AGBL4: variants seen among roughly 807,000 people sequenced by gnomAD.
The protein encoded by AGBL4 is AGBL carboxypeptidase 4, also known as cytosolic carboxypeptidase 6.
AGBL4 carries 58 observed loss-of-function variants against 66.4 expected under a neutral mutation model. That is an observed-to-expected ratio of 0.87 (90% confidence interval 0.71 to 1.09). The LOEUF (loss-of-function observed/expected upper bound fraction) is 1.09, where lower values mean the gene tolerates loss of function less well. Among genes scored for constraint, AGBL4 ranks in the 50% least tolerant of loss-of-function variants. The pLI is 0.00. For synonymous variants in AGBL4, 234 were observed against 222.9 expected (o/e 1.05, Z -0.44); for missense variants, 579 against 631.0 (o/e 0.92, Z 0.88).
intron 5 of AGBL4, among the ~76,000 whole-genome samples, chr1:48,957,151 C>T (rs1477398424): frequency 3.9e-5 from 6 of 152,098 alleles, no homozygotes; most frequent in Non-Finnish European, 2.9e-5. Context: ...CATTCCCATA[C>T]ATTTTTTGCT....
At position 48,761,203 on chromosome 1, in the gene AGBL4, T is replaced by C. The variant is rs1644239328; in HGVS notation, c.635-97962A>G. 6.9e-6 allele frequency: 7 copies of C among 1,013,334 alleles called. No homozygotes were observed. In the East Asian group the frequency reaches 1.6e-4, roughly 23 times the overall value. 62.8% of individuals were successfully genotyped at this position (1,013,334 alleles called of 1,614,324 possible). A position where few individuals can be genotyped will look rare whatever the true frequency, so the allele number is the denominator to read the frequency against. On this transcript the variant is annotated intron_variant, in intron 6 of 13. Coordinates refer to ENST00000371839, the MANE Select transcript of AGBL4 (RefSeq NM_032785.4). ...CACACGAGTTGTCCCACGCTTTCACTACCCTGAAAAAATCATAGCCTGTGA... is the reference window on the plus strand; with the variant it reads ...CACACGAGTTGTCCCACGCTTTCACCACCCTGAAAAAATCATAGCCTGTGA...
intron 2 of AGBL4, among the ~76,000 whole-genome samples, chr1:49,835,014 A>C (rs1213037491): frequency 6.6e-6 from 1 of 152,168 alleles, no homozygotes; most frequent in Non-Finnish European, 1.5e-5. Context: ...TTTTATAACA[A>C]GTGTGATATG....
intron 4 of AGBL4, among the ~76,000 whole-genome samples, chr1:49,224,844 G>C (rs935732257): frequency 1.3e-5 from 2 of 152,212 alleles, no homozygotes; most frequent in Admixed American, 1.3e-4. Flanking sequence ...AGAAAGTGGG[G>C]TTGGGATAAG....
chr1:49,528,569 A>G (rs1312132377), intron 3 of AGBL4, among the ~76,000 whole-genome samples: 1 of 152,054 alleles, frequency 6.6e-6, no homozygotes, highest in East Asian at 1.9e-4. Context: ...ATTAACCTAT[A>G]GGGGAGATAA....
At chr1:49,740,733 A>G (rs1257462054) in intron 2 of AGBL4, among the ~76,000 whole-genome samples, 1 of 152,236 alleles carries the variant, frequency 6.6e-6, no homozygotes, top group Non-Finnish European at 1.5e-5. Context: ...ACTAGAACTC[A>G]GGATTAAGAA....
intron 4 of AGBL4, among the ~76,000 whole-genome samples, chr1:49,134,475 G>C (rs1457842169): frequency 1.7e-4 from 19 of 112,800 alleles, no homozygotes; most frequent in African/African-American, 4.9e-4. Context: ...ATTTTGGAGG[G>C]CCCCCCCCCC....
intron 1 of AGBL4, among the ~76,000 whole-genome samples, chr1:49,965,153 A>T (rs984772468): frequency 9.9e-5 from 15 of 152,188 alleles, no homozygotes; most frequent in Admixed American, 6.6e-4. Flanking sequence ...AACTCCATGG[A>T]AATCAATGAT....
intron 5 of AGBL4, among the ~76,000 whole-genome samples, chr1:48,963,810 T>C (rs1024089541): frequency 6.6e-6 from 1 of 152,194 alleles, no homozygotes; most frequent in African/African-American, 2.4e-5. Context: ...GTAATGACTA[T>C]TGTTGATAGA....
intron 1 of AGBL4, among the ~76,000 whole-genome samples, chr1:49,991,135 C>T (rs1368067041): frequency 6.6e-6 from 1 of 152,100 alleles, no homozygotes; most frequent in Non-Finnish European, 1.5e-5. Flanking sequence ...AACTATGTAG[C>T]TCCAGACTAT....
At chr1:48,996,218 T>A (rs1227336904) in intron 5 of AGBL4, among the ~76,000 whole-genome samples, 1 of 152,218 alleles carries the variant, frequency 6.6e-6, no homozygotes, top group Non-Finnish European at 1.5e-5. Flanking sequence ...TGGATTGAGA[T>A]ACTATGCAGA....
chr1:49,739,657 G>A (rs1056069798), intron 2 of AGBL4, among the ~76,000 whole-genome samples: 2 of 152,128 alleles, frequency 1.3e-5, no homozygotes, highest in Non-Finnish European at 2.9e-5. Flanking sequence ...AGAGAGAAAG[G>A]TTGGGTTACC....
At chr1:48,668,396 T>A (rs919273028) in intron 6 of AGBL4, among the ~76,000 whole-genome samples, 1 of 147,036 alleles carries the variant, frequency 6.8e-6, no homozygotes, top group African/African-American at 2.5e-5. Context: ...AGCAGTGCTC[T>A]ATTGTTTGCA....
intron 3 of AGBL4, among the ~76,000 whole-genome samples, chr1:49,455,940 C>T (rs1290710729): frequency 6.6e-6 from 1 of 151,650 alleles, no homozygotes; most frequent in African/African-American, 2.4e-5. Flanking sequence ...TTATTTCTAC[C>T]TTACTTTTTC....
chr1:49,398,155 CAG>C (rs1645009416), intron 3 of AGBL4, among the ~76,000 whole-genome samples: 1 of 152,138 alleles, frequency 6.6e-6, no homozygotes, highest in Non-Finnish European at 1.5e-5. Context: ...GCTAGTAAAA[CAG>C]TATTTCTGAC....
chr1:49,453,041 C>T (rs976580319), intron 3 of AGBL4, among the ~76,000 whole-genome samples: 2 of 151,862 alleles, frequency 1.3e-5, no homozygotes, highest in Non-Finnish European at 2.9e-5. Context: ...TGTGTATCCA[C>T]AGCATCTACC....
chr1:49,990,578 GT>G (rs1228178690), intron 1 of AGBL4, among the ~76,000 whole-genome samples: 1 of 152,148 alleles, frequency 6.6e-6, no homozygotes, highest in East Asian at 1.9e-4. Flanking sequence ...CTTTATAGCA[GT>G]GTGAAAACGG....
At chr1:49,271,370 AGAAGGGTACTTTCGATTT>A (rs1243661124) in intron 3 of AGBL4, among the ~76,000 whole-genome samples, 1 of 152,076 alleles carries the variant, frequency 6.6e-6, no homozygotes, top group Non-Finnish European at 1.5e-5. Context: ...CTTATGAGGT[AGAAGGGTACTTTCGATTT>A]AAAAAAAAAA....
intron 6 of AGBL4, among the ~76,000 whole-genome samples, chr1:48,814,676 C>T (rs565630473): frequency 2.0e-5 from 3 of 150,712 alleles, no homozygotes; most frequent in South Asian, 2.1e-4. Context: ...TTTCTGTTCC[C>T]GGCTTATTTC....
At position 49,007,901 on chromosome 1, in the gene AGBL4, C is replaced by T. The variant is rs1369694957; in HGVS notation, c.594+37683G>A. ...AGCACTAAACATGGAAAGGAACAAC[C>T]AGTACCAGCCACTGCAAAATCATGC... On this transcript the variant is annotated intron_variant, in intron 5 of 13. Coordinates refer to ENST00000371839, the MANE Select transcript of AGBL4 (RefSeq NM_032785.4). 3.5e-4 allele frequency among the ~76,000 whole-genome samples: 53 copies of T among 150,768 alleles called. 1 individual carries two copies. In the East Asian group the frequency reaches 9.5e-3, roughly 27 times the overall value.
Sources: gnomAD v4.1 joint callset for allele counts (sites outside exome capture counted in the v4.1 genomes callset) on GRCh38, gnomAD v4.1.1 for gene constraint, MANE v1.5 for transcripts, NCBI Gene and HGNC (gene_info 2026-07-23, HGNC 2026-07-21) for gene names.